ENAH: variants seen among roughly 807,000 people sequenced by gnomAD.
ENAH encodes protein enabled homolog.
ENAH carries 23 observed loss-of-function variants against 78.7 expected under a neutral mutation model. The observed-to-expected ratio is 0.29, with a 90% CI of 0.21 to 0.41. The LOEUF (loss-of-function observed/expected upper bound fraction) is 0.41. Ranked by LOEUF, ENAH falls within the 10% of genes least tolerant of loss-of-function variation. ENAH has a pLI of 1.00. For missense variants in ENAH, 544 were observed against 691.0 expected (o/e 0.79, Z 2.39); for synonymous variants, 226 against 241.0 (o/e 0.94, Z 0.58).
chr1:225,573,637 A>G (rs965803996), intron 1 of ENAH, among the ~76,000 whole-genome samples: 2 of 152,228 alleles, frequency 1.3e-5, no homozygotes, highest in African/African-American at 4.8e-5. Context: ...CGAGAAAAAA[A>G]GGAGGGAGAG....
intron 3 of ENAH, chr1:225,531,077 G>A: frequency 2.5e-6 from 1 of 398,866 alleles, no homozygotes; most frequent in East Asian, 3.6e-5. Flanking sequence ...AAAAACAGGA[G>A]AGAGAGAGAG....
chr1:225,631,683 T>C (rs1015607297), intron 1 of ENAH, among the ~76,000 whole-genome samples: 8 of 152,116 alleles, frequency 5.3e-5, no homozygotes, highest in Non-Finnish European at 8.8e-5. Flanking sequence ...TATTTACAAC[T>C]TGAAAGTATT....
At chr1:225,626,954 TCACGA>T (rs1658059305) in intron 1 of ENAH, among the ~76,000 whole-genome samples, 1 of 152,204 alleles carries the variant, frequency 6.6e-6, no homozygotes, top group African/African-American at 2.4e-5. Flanking sequence ...GAATGGTATT[TCACGA>T]CACAAGTACA....
intron 1 of ENAH, among the ~76,000 whole-genome samples, chr1:225,606,842 CAAAAAAAA>C (rs59168194): frequency 0.014 from 682 of 49,054 alleles, 10 homozygotes; most frequent in African/African-American, 0.042. Flanking sequence ...GACTCTGTCT[CAAAAAAAA>C]AAAAAAAAAA....
At chr1:225,522,819 A>G (rs986806913) in intron 4 of ENAH, among the ~76,000 whole-genome samples, 4 of 152,228 alleles carry the variant, frequency 2.6e-5, no homozygotes, top group Non-Finnish European at 5.9e-5. Context: ...AAATTTAAAT[A>G]CAGAAGCTAA....
chr1:225,623,464 C>CT (rs926055825), intron 1 of ENAH, among the ~76,000 whole-genome samples: 3 of 151,762 alleles, frequency 2.0e-5, no homozygotes, highest in Non-Finnish European at 2.9e-5. Flanking sequence ...ACAAATTTTT[C>CT]TTTTTTTTAG....
Position 225,627,908 on chromosome 1 carries a change from TATAAAC to T in ENAH, c.5+24772_5+24777del, listed in dbSNP as rs771782404. On this transcript the variant is annotated intron_variant, in intron 1 of 13. Transcript: ENST00000366843. ...TACACTGTTTTGTCCCCTACCAACT[TATAAAC>T]ATACACTGTTTTGTCCCCCACCAAC... Among the ~76,000 whole-genome samples the T allele has an allele frequency of 8.5e-4, 119 of 139,752 alleles. 1 individual carries two copies. The highest frequency in any genetic ancestry group is 1.5e-3 in the Non-Finnish European group (91 of 61,110). The allele number at this position is 139,752 out of a possible 152,430, so 91.7% of individuals were successfully genotyped here. A position where few individuals can be genotyped will look rare whatever the true frequency, so the allele number is the denominator to read the frequency against.
At position 225,651,027 on chromosome 1, in the gene ENAH, ATAT is replaced by A. The variant is rs1219103788; in HGVS notation, c.5+1656_5+1658del. Among the ~76,000 whole-genome samples, 5 of 152,070 alleles carry A rather than the reference ATAT, an allele frequency of 3.3e-5. No individual in the cohort carries two copies. The South Asian group carries it at 1.0e-3, about 31-fold the overall frequency. ...AATATTACAAGATATAACAGTATGT[ATAT>A]TATAGTTCCTGAGTTTAAGGACATC... On this transcript the variant is annotated intron_variant, in intron 1 of 13. Coordinates refer to ENST00000366843, the MANE Select transcript of ENAH (RefSeq NM_018212.6).
intron 6 of ENAH, among the ~76,000 whole-genome samples, chr1:225,516,881 C>CAAAAAAAAAAAAA (rs537786721): frequency 8.8e-6 from 1 of 114,126 alleles, no homozygotes; most frequent in Non-Finnish European, 1.9e-5. Context: ...CTCAAAAAAA[C>CAAAAAAAAAAAAA]AAAAAAAAAA....
chr1:225,502,499 C>T (rs1001035744), intron 11 of ENAH, among the ~76,000 whole-genome samples: 12 of 152,104 alleles, frequency 7.9e-5, no homozygotes, highest in Admixed American at 6.6e-4. Context: ...TGAGCCACCA[C>T]GCCCAGCCTG....
intron 1 of ENAH, among the ~76,000 whole-genome samples, chr1:225,631,575 C>CA (rs397939130): frequency 0.13 from 9,267 of 71,114 alleles, 1,208 homozygotes; most frequent in African/African-American, 0.36. Flanking sequence ...CACCATCTCT[C>CA]AAAAAAAAAA....
chr1:225,521,360 A>T (rs970359476), intron 4 of ENAH, among the ~76,000 whole-genome samples: 5 of 150,950 alleles, frequency 3.3e-5, no homozygotes, highest in East Asian at 3.9e-4. Flanking sequence ...AACCTTCCCT[A>T]AAAAAAAAGT....
At chr1:225,516,341 G>T (rs2096416992) in intron 6 of ENAH, among the ~76,000 whole-genome samples, 1 of 152,114 alleles carries the variant, frequency 6.6e-6, no homozygotes, top group African/African-American at 2.4e-5. Flanking sequence ...ATGCTCCAAG[G>T]GTTAGGGTGA....
intron 1 of ENAH, among the ~76,000 whole-genome samples, chr1:225,651,609 C>T (rs971674640): frequency 6.6e-6 from 1 of 152,148 alleles, no homozygotes; most frequent in Admixed American, 6.6e-5. Flanking sequence ...ACTATCTCTT[C>T]CAGGAGAGAG....
intron 1 of ENAH, among the ~76,000 whole-genome samples, chr1:225,625,420 TTTC>T (rs1657770754): frequency 6.6e-6 from 1 of 152,216 alleles, no homozygotes; most frequent in Non-Finnish European, 1.5e-5. Context: ...ACTCCTGCCT[TTTC>T]TTCTTTTTAA....
chr1:225,502,137 A>G (rs1427468278), intron 11 of ENAH, among the ~76,000 whole-genome samples: 1 of 152,256 alleles, frequency 6.6e-6, no homozygotes, highest in African/African-American at 2.4e-5. Flanking sequence ...TAATTCTTAT[A>G]AGACATAAAA....
At chr1:225,598,422 A>T (rs2096913287) in intron 1 of ENAH, among the ~76,000 whole-genome samples, 1 of 152,104 alleles carries the variant, frequency 6.6e-6, no homozygotes, top group Non-Finnish European at 1.5e-5. Context: ...TCGATAATTT[A>T]AAAAACTAAA....
intron 3 of ENAH, among the ~76,000 whole-genome samples, chr1:225,552,818 C>T (rs183519846): frequency 2.6e-5 from 4 of 152,200 alleles, no homozygotes; most frequent in Non-Finnish European, 4.4e-5. Flanking sequence ...AAATGATGGC[C>T]GATTTTCCTA....
In ENAH at chr1:225,523,958, A is replaced by C. The variant is rs367913835; in HGVS notation, c.435-4393T>G. The stretch of plus-strand genomic sequence containing the variant: ...TCAAAGAAAGAGTGCCTTAATTCTG[A>C]ACCATGAAAAATCCTGACGGACTAC... On this transcript the variant is annotated intron_variant, in intron 4 of 13. Coordinates refer to ENST00000366843, the MANE Select transcript of ENAH (RefSeq NM_018212.6). Among the ~76,000 whole-genome samples the C allele has an allele frequency of 3.9e-4, 60 of 152,308 alleles. No homozygotes were observed. The South Asian group carries it at 6.2e-3, about 16-fold the overall frequency.
Sources: gnomAD v4.1 joint callset for allele counts (sites outside exome capture counted in the v4.1 genomes callset) on GRCh38, gnomAD v4.1.1 for gene constraint, MANE v1.5 for transcripts, NCBI Gene and HGNC (gene_info 2026-07-23, HGNC 2026-07-21) for gene names.